The following SNX18 variants were observed in gnomAD, a reference collection of about 807,000 sequenced individuals.
SNX18 encodes sorting nexin-18.
In SNX18, 35 loss-of-function variants were observed where a neutral mutation model predicts 48.7. The ratio of observed to expected loss-of-function variants is 0.72; its 90% CI spans 0.55 to 0.95. SNX18 has a LOEUF of 0.95. SNX18 is among the 40% of genes least tolerant of loss of function. SNX18 has a pLI of 0.00. For missense variants in SNX18, 824 were observed against 871.0 expected (o/e 0.95, Z 0.68); for synonymous variants, 492 against 384.7 (o/e 1.28, Z -3.26).
At chr5:54,620,115 T>G in the SNX18 span, among the ~76,000 whole-genome samples, 1 of 152,192 alleles carries the variant, frequency 6.6e-6, no homozygotes. Flanking sequence ...TTTTCACCTC[T>G]GTTTTATAAA....
chr5:54,609,858 T>C, the SNX18 span, among the ~76,000 whole-genome samples: 3 of 151,972 alleles, frequency 2.0e-5, no homozygotes, highest in Non-Finnish European at 2.9e-5. Context: ...TGGGAGGTGA[T>C]TGGATCATGG....
the SNX18 span, among the ~76,000 whole-genome samples, chr5:54,609,668 G>T: frequency 6.6e-6 from 1 of 152,152 alleles, no homozygotes; most frequent in South Asian, 2.1e-4. Context: ...AAATGCCAAG[G>T]ATTTGGCTAC....
chr5:54,559,839 A>G, the SNX18 span, among the ~76,000 whole-genome samples: 1 of 152,228 alleles, frequency 6.6e-6, no homozygotes, highest in African/African-American at 2.4e-5. Flanking sequence ...TCCAGCATCT[A>G]TAAGGAACTT....
the SNX18 span, among the ~76,000 whole-genome samples, chr5:54,641,288 A>G: frequency 6.6e-6 from 1 of 152,144 alleles, no homozygotes; most frequent in African/African-American, 2.4e-5. Context: ...TTTTACATAG[A>G]TGTTGTATTA....
the SNX18 span, among the ~76,000 whole-genome samples, chr5:54,632,629 C>G: frequency 0.068 from 10,408 of 152,110 alleles, 424 homozygotes; most frequent in East Asian, 0.16. Flanking sequence ...ACACCGGGAG[C>G]TGTGGGCTCC....
the SNX18 span, among the ~76,000 whole-genome samples, chr5:54,629,410 T>C: frequency 2.0e-5 from 3 of 152,230 alleles, no homozygotes; most frequent in Non-Finnish European, 4.4e-5. Flanking sequence ...ACATTTCAGT[T>C]TCCACTTTTC....
chr5:54,569,756 C>A, the SNX18 span, among the ~76,000 whole-genome samples: 2 of 152,184 alleles, frequency 1.3e-5, no homozygotes, highest in African/African-American at 4.8e-5. Context: ...AGTGAGTGTT[C>A]TACCTAGTGA....
the SNX18 span, among the ~76,000 whole-genome samples, chr5:54,558,308 T>C: frequency 2.0e-5 from 3 of 152,230 alleles, no homozygotes; most frequent in Non-Finnish European, 4.4e-5. Flanking sequence ...AAACATTTAC[T>C]GGCTTCTCCA....
chr5:54,603,164 A>ATAC, the SNX18 span, among the ~76,000 whole-genome samples: 5 of 151,130 alleles, frequency 3.3e-5, no homozygotes, highest in Non-Finnish European at 5.9e-5. Context: ...GGTTGTAAAT[A>ATAC]TATTATTATT....
At chr5:54,519,804 C>G in intron 1 of SNX18, 4 of 1,612,244 alleles carry the variant, frequency 2.5e-6, no homozygotes, top group Non-Finnish European at 3.4e-6. Context: ...CTCGAAGGTT[C>G]AAAGAGTACC....
the SNX18 span, chr5:54,645,748 T>C: frequency 2.0e-5 from 3 of 152,232 alleles, no homozygotes; most frequent in Non-Finnish European, 4.4e-5. Context: ...TTTCAAAGGA[T>C]TCAGAGAAGG....
chr5:54,518,422 A>C lies in SNX18; in HGVS notation c.470A>C (p.Glu157Ala), dbSNP rs1287337908. 2 of 1,584,142 alleles carry C rather than the reference A, an allele frequency of 1.3e-6. No individual in the cohort carries two copies. The highest frequency in any genetic ancestry group is 1.7e-6 in the Non-Finnish European group (2 of 1,166,026). ...SQGSDDDWDD[E>A]WDDSSTVADE... ...GGCAGCGATGATGACTGGGACGACG[A>C]GTGGGACGACAGCTCCACGGTGGCG... The change falls in exon 1 of 2, where the codon GAG (glutamate) becomes GCG (alanine). Residue 157 changes from glutamate to alanine, a missense_variant. This residue lies in a region of SNX18 where 377 missense variants were observed against 350.6 expected (regional missense o/e 1.08). Transcript: ENST00000381410.
chr5:54,568,831 T>C, the SNX18 span, among the ~76,000 whole-genome samples: 1 of 130,670 alleles, frequency 7.7e-6, no homozygotes, highest in Admixed American at 8.9e-5. Context: ...ATTTCAGTGG[T>C]ACTTTTTTTT....
At chr5:54,624,735 T>C in the SNX18 span, among the ~76,000 whole-genome samples, 3 of 152,174 alleles carry the variant, frequency 2.0e-5, no homozygotes, top group East Asian at 1.9e-4. Context: ...TCCCTTTTAA[T>C]AGAGTATGTC....
chr5:54,555,860 A>G, the SNX18 span, among the ~76,000 whole-genome samples: 1 of 152,196 alleles, frequency 6.6e-6, no homozygotes, highest in Admixed American at 6.5e-5. Context: ...ATAAAGAAAA[A>G]AAGATTGGGT....
At position 54,546,390 on chromosome 5, in the gene SNX18, G is replaced by T. The variant is rs1233234464; in HGVS notation, c.*2958G>T. 6.6e-6 allele frequency: 1 copy of T among 152,274 alleles called. No individual in the cohort carries two copies. The highest frequency in any genetic ancestry group is 2.4e-5 in the African/African-American group (1 of 41,556). The allele number at this position is 152,274 out of a possible 1,614,324, so 9.4% of individuals were successfully genotyped here. On this transcript the variant is annotated 3_prime_UTR_variant, in exon 2 of 2. Transcript: ENST00000381410. ...TTTCCAAAAATCAAATGCCATGTCT[G>T]ATACCTTTAAGTCCATAAGCATTCA...
At chr5:54,528,430 C>T (rs561806198) in intron 1 of SNX18, among the ~76,000 whole-genome samples, 2 of 152,204 alleles carry the variant, frequency 1.3e-5, no homozygotes, top group South Asian at 2.1e-4. Flanking sequence ...CATGGGAGTC[C>T]AGGTGATAGA....
chr5:54,539,755 T>C (rs1762429596), intron 1 of SNX18, among the ~76,000 whole-genome samples: 1 of 152,202 alleles, frequency 6.6e-6, no homozygotes, highest in East Asian at 1.9e-4. Context: ...TGGGGACTTT[T>C]AAAAATAGCA....
At chr5:54,576,793 G>GTTTA in the SNX18 span, among the ~76,000 whole-genome samples, 4 of 140,636 alleles carry the variant, frequency 2.8e-5, no homozygotes, top group Admixed American at 1.5e-4. Flanking sequence ...TTGTTTGTTT[G>GTTTA]TTTGTTTGCT....
Sources: allele counts gnomAD v4.1 joint callset (sites outside exome capture counted in the v4.1 genomes callset), GRCh38; gene constraint gnomAD v4.1.1; regional missense constraint gnomAD v4.1.1; transcripts MANE v1.5; gene names NCBI Gene and HGNC (gene_info 2026-07-23, HGNC 2026-07-21).